The following LRRFIP1 variants were observed in gnomAD, a reference collection of about 807,000 sequenced individuals.
LRRFIP1 encodes leucine-rich repeat flightless-interacting protein 1.
In LRRFIP1, 62 loss-of-function variants were observed where a neutral mutation model predicts 104.4. The observed-to-expected ratio is 0.59, with a 90% CI of 0.48 to 0.73. The LOEUF (loss-of-function observed/expected upper bound fraction) is 0.73. Among genes scored for constraint, LRRFIP1 ranks in the 30% least tolerant of loss-of-function variants. LRRFIP1 has a pLI of 0.00. For missense variants in LRRFIP1, 796 were observed against 824.5 expected, an observed-to-expected ratio of 0.97 and a Z score of 0.42; for synonymous variants, 300 against 299.0, an observed-to-expected ratio of 1.00 and a Z score of -0.03.
At chr2:237,762,224 A>G (rs1475403517) in intron 19 of LRRFIP1, among the ~76,000 whole-genome samples, 1 of 152,238 alleles carries the variant, frequency 6.6e-6, no homozygotes, top group African/African-American at 2.4e-5. Flanking sequence ...CAAGTTGTTC[A>G]TTGAGAAGTG....
chr2:237,676,417 T>C (rs1169686193), intron 1 of LRRFIP1, among the ~76,000 whole-genome samples: 2 of 152,154 alleles, frequency 1.3e-5, no homozygotes, highest in African/African-American at 4.8e-5. Context: ...GACCCGAAAA[T>C]TCACGTGGGG....
At chr2:237,723,788 A>C (rs1039891103) in intron 7 of LRRFIP1, among the ~76,000 whole-genome samples, 4 of 152,222 alleles carry the variant, frequency 2.6e-5, no homozygotes, top group African/African-American at 9.6e-5. Context: ...ATCCTGCCGG[A>C]GGGGAGGAGC....
Position 237,719,562 on chromosome 2 carries a change from AC to A in LRRFIP1, c.290del (p.Thr97AsnfsTer18). 6.2e-7 allele frequency: 1 copy of A among 1,613,240 alleles called. No homozygotes were observed. Among genetic ancestry groups the A allele is most frequent in the Non-Finnish European group, 8.5e-7 (1 of 1,179,334 alleles). On this transcript the variant is annotated frameshift_variant, in exon 5 of 24. Coordinates refer to ENST00000308482, the MANE Select transcript of LRRFIP1 (RefSeq NM_001137550.2). LOFTEE classifies it high-confidence loss of function. ...CTACTCTCGTAGATCCAGAAGAAAC[AC>A]ATCGGTTAGTACCGTGTTCATTCAT... is the stretch of plus-strand genomic sequence containing the variant. ...ERYSRRSRRNTSASDEDERMS... is the reference protein window; with the variant it reads ...ERYSRRSRRNXSASDEDERMS...
chr2:237,678,431 A>G (rs2091415406), intron 1 of LRRFIP1, among the ~76,000 whole-genome samples: 1 of 152,174 alleles, frequency 6.6e-6, no homozygotes, highest in Admixed American at 6.5e-5. Flanking sequence ...TGTGTCAGGG[A>G]CAAATGTCAG....
intron 1 of LRRFIP1, among the ~76,000 whole-genome samples, chr2:237,657,077 C>T (rs1001666267): frequency 7.2e-5 from 11 of 152,110 alleles, no homozygotes; most frequent in African/African-American, 1.2e-4. Flanking sequence ...AAAAGGCTGG[C>T]GGTGGTAGGG....
Position 237,739,092 on chromosome 2 carries a change from ACT to A in LRRFIP1, c.556-135_556-134del, listed in dbSNP as rs1334552985. The stretch of plus-strand genomic sequence containing the variant: ...AATATGCGTTTGCTGTCTAACCCTA[ACT>A]CTCTTTTCCTTGCCGTGCGTGGCTA... On this transcript the variant is annotated intron_variant, in intron 10 of 23. Coordinates refer to ENST00000308482, the MANE Select transcript of LRRFIP1 (RefSeq NM_001137550.2). 25 of 654,458 alleles carry A rather than the reference ACT, an allele frequency of 3.8e-5. No homozygotes were observed. The East Asian group carries it at 5.8e-4, about 15-fold the overall frequency. The allele number at this position is 654,458 out of a possible 1,614,324, so 40.5% of individuals were successfully genotyped here. A position where few individuals can be genotyped will look rare whatever the true frequency, so the allele number is the denominator to read the frequency against.
At chr2:237,660,958 G>C (rs1299021255) in intron 1 of LRRFIP1, among the ~76,000 whole-genome samples, 2 of 152,232 alleles carry the variant, frequency 1.3e-5, no homozygotes, top group African/African-American at 2.4e-5. Flanking sequence ...CATCCTGGGA[G>C]AGGGAGGAGG....
Position 237,649,520 on chromosome 2 carries a change from G to A in LRRFIP1, c.96+21780G>A, listed in dbSNP as rs560813457. On this transcript the variant is annotated intron_variant, in intron 1 of 23. Coordinates refer to ENST00000308482, the MANE Select transcript of LRRFIP1 (RefSeq NM_001137550.2). The surrounding 1 kb of genome is among the most constrained non-coding windows in gnomAD (Gnocchi z 4.1). ...CACTCCAGCCTGGGCAACCAAGAGAGATTCTGTCTCAAAAAAAAAGAACAC... is the reference window on the plus strand; with the variant it reads ...CACTCCAGCCTGGGCAACCAAGAGAAATTCTGTCTCAAAAAAAAAGAACAC... 6.0e-4 allele frequency among the ~76,000 whole-genome samples: 91 copies of A among 152,088 alleles called. 2 individuals carry two copies. In the South Asian group the frequency reaches 0.018, roughly 29 times the overall value.
chr2:237,632,435 C>T (rs539591713), intron 1 of LRRFIP1, among the ~76,000 whole-genome samples: 30 of 152,244 alleles, frequency 2.0e-4, no homozygotes, highest in African/African-American at 6.5e-4. Flanking sequence ...GCCTGCCCCC[C>T]TCATGCCCCT....
At position 237,627,627 on chromosome 2, in the gene LRRFIP1, C is replaced by T. The variant is rs1336447515; in HGVS notation, c.-18C>T. 6.2e-6 allele frequency: 8 copies of T among 1,291,900 alleles called. No individual in the cohort carries two copies. The highest frequency in any genetic ancestry group is 1.9e-5 in the South Asian group (1 of 52,952). 80.0% of individuals were successfully genotyped at this position (1,291,900 alleles called of 1,614,324 possible). On this transcript the variant is annotated 5_prime_UTR_variant, in exon 1 of 24. Transcript: ENST00000308482. ...GCTGGAGCAACGGGCCCCGCGGCAGCTGCGGGCGACGCGGTCGATGGACAT... is the reference window on the plus strand; with the variant it reads ...GCTGGAGCAACGGGCCCCGCGGCAGTTGCGGGCGACGCGGTCGATGGACAT...
chr2:237,768,473 GT>G (rs1395261169), intron 19 of LRRFIP1: 1 of 152,148 alleles, frequency 6.6e-6, no homozygotes, highest in African/African-American at 2.4e-5. Context: ...TATGACGCCT[GT>G]AGTTTTTGTA....
In LRRFIP1 at chr2:237,759,966, T is replaced by TAG. The variant is rs902975202; in HGVS notation, c.1318-98_1318-97insAG. On this transcript the variant is annotated intron_variant, in intron 18 of 23. Transcript: ENST00000308482. ...TGTCTCTGTGGAGTTACCCTGTACT[T>TAG]CAGGAAAAAATGGTTTTCTTTTTTA... 7.9e-6 allele frequency: 9 copies of TAG among 1,133,366 alleles called. No individual in the cohort carries two copies. In the Admixed American group the frequency reaches 1.8e-4, roughly 22 times the overall value. 70.2% of individuals were successfully genotyped at this position (1,133,366 alleles called of 1,614,324 possible). A position where few individuals can be genotyped will look rare whatever the true frequency, so the allele number is the denominator to read the frequency against.
chr2:237,701,300 G>T (rs1270724237), intron 1 of LRRFIP1, among the ~76,000 whole-genome samples: 2 of 152,252 alleles, frequency 1.3e-5, no homozygotes, highest in African/African-American at 4.8e-5. Context: ...CATTAGAGCT[G>T]CTAGAGCCCC....
At chr2:237,629,179 C>G (rs1362315847) in intron 1 of LRRFIP1, among the ~76,000 whole-genome samples, 1 of 152,254 alleles carries the variant, frequency 6.6e-6, no homozygotes, top group Non-Finnish European at 1.5e-5. Flanking sequence ...AGGTGTTTGT[C>G]TATGTCTGTT....
At chr2:237,771,703 C>T (rs910629075) in intron 20 of LRRFIP1, among the ~76,000 whole-genome samples, 6 of 152,032 alleles carry the variant, frequency 3.9e-5, no homozygotes, top group African/African-American at 9.7e-5. Flanking sequence ...AGAAAGCACT[C>T]GACTTTTGGG....
intron 1 of LRRFIP1, among the ~76,000 whole-genome samples, chr2:237,706,402 G>GC (rs1559609228): frequency 6.6e-6 from 1 of 151,482 alleles, no homozygotes; most frequent in Non-Finnish European, 1.5e-5. Context: ...CTGTTCCTCT[G>GC]CCCCCCAACC....
chr2:237,675,209 G>A (rs1175746819), intron 1 of LRRFIP1, among the ~76,000 whole-genome samples: 1 of 152,198 alleles, frequency 6.6e-6, no homozygotes, highest in Non-Finnish European at 1.5e-5. Flanking sequence ...AGCCCTAGCT[G>A]TTCCTGAGAT....
intron 1 of LRRFIP1, among the ~76,000 whole-genome samples, chr2:237,676,029 GT>G (rs1288047098): frequency 1.3e-5 from 2 of 152,158 alleles, no homozygotes; most frequent in Admixed American, 1.3e-4. Flanking sequence ...AAGTTCAGTG[GT>G]TTTAAGTGCG....
chr2:237,638,642 T>G (rs1243386632), intron 1 of LRRFIP1, among the ~76,000 whole-genome samples: 1 of 152,248 alleles, frequency 6.6e-6, no homozygotes, highest in Non-Finnish European at 1.5e-5. Flanking sequence ...CTGTAATTAC[T>G]GAGCACTTGA....
Sources: gnomAD v4.1 joint callset for allele counts (sites outside exome capture counted in the v4.1 genomes callset) on GRCh38, gnomAD v4.1.1 for gene constraint, Gnocchi (gnomAD v3.1) non-coding constraint, MANE v1.5 for transcripts, NCBI Gene and HGNC (gene_info 2026-07-23, HGNC 2026-07-21) for gene names.